ZNF708: variants seen among roughly 807,000 people sequenced by gnomAD.
The protein encoded by ZNF708 is zinc finger protein 708, also known as ZNF15, ZNF15L1.
In ZNF708, 44 loss-of-function variants were observed where a neutral mutation model predicts 47.0. The ratio of observed to expected loss-of-function variants is 0.94; its 90% CI spans 0.74 to 1.20. The LOEUF (loss-of-function observed/expected upper bound fraction) is 1.20. Among genes scored for constraint, ZNF708 ranks in the 50% most tolerant of loss-of-function variants. The pLI is 0.00. For synonymous variants in ZNF708, 184 were observed against 218.5 expected (o/e 0.84, Z 1.39); for missense variants, 557 against 656.0 (o/e 0.85, Z 1.65).
chr19:21,298,560 T>C lies in ZNF708; in HGVS notation c.227-3821A>G, dbSNP rs535691532. Among the ~76,000 whole-genome samples, 4 of 152,120 alleles carry C rather than the reference T, an allele frequency of 2.6e-5. No individual in the cohort carries two copies. The South Asian group carries it at 8.3e-4, about 31-fold the overall frequency. ...TAGAAACAGCAACCCCAAAAGTATATGGAATCTCAAGAGACTATACTCAAC... is the reference window on the plus strand; with the variant it reads ...TAGAAACAGCAACCCCAAAAGTATACGGAATCTCAAGAGACTATACTCAAC... On this transcript the variant is annotated intron_variant, in intron 3 of 3. Coordinates refer to ENST00000356929, the MANE Select transcript of ZNF708 (RefSeq NM_021269.3).
chr19:21,316,446 C>T (rs1477352339), intron 1 of ZNF708, among the ~76,000 whole-genome samples: 1 of 151,996 alleles, frequency 6.6e-6, no homozygotes, highest in Non-Finnish European at 1.5e-5. Context: ...TTTTTCCAAG[C>T]CTCAAGATCT....
chr19:21,318,536 T>C (rs1973061716), intron 1 of ZNF708: 1 of 152,230 alleles, frequency 6.6e-6, no homozygotes, highest in African/African-American at 2.4e-5. Context: ...AAGGAATTTC[T>C]CTTAAAATAC....
At position 21,293,396 on chromosome 19, in the gene ZNF708, T is replaced by G; in HGVS notation, c.1570A>C (p.Ile524Leu). 1 of 1,611,624 alleles carries G rather than the reference T, an allele frequency of 6.2e-7. No individual in the cohort carries two copies. Among genetic ancestry groups the G allele is most frequent in the Non-Finnish European group, 8.5e-7 (1 of 1,178,970 alleles). Residue 524 changes from isoleucine (I) to leucine (L), a missense_variant, in exon 4 of 4, where the codon ATA (isoleucine) becomes CTA (leucine). Coordinates refer to ENST00000356929, the MANE Select transcript of ZNF708 (RefSeq NM_021269.3). Reference sequence around the variant, plus strand: ...TAGGGTTTCTCTCCAGTATGAATTATCTTATGTTTCATAAGGGTTGAGGAC... The same window carrying G: ...TAGGGTTTCTCTCCAGTATGAATTAGCTTATGTTTCATAAGGGTTGAGGAC... ...NQSSTLMKHK[I>L]IHTGEKPYKC...
At chr19:21,313,414 A>C (rs1972940632) in intron 1 of ZNF708, among the ~76,000 whole-genome samples, 1 of 152,010 alleles carries the variant, frequency 6.6e-6, no homozygotes, top group South Asian at 2.1e-4. Flanking sequence ...TTAGATAAAG[A>C]GCCCAGCATT....
chr19:21,306,666 C>T (rs1027236914), intron 3 of ZNF708, among the ~76,000 whole-genome samples: 3 of 151,998 alleles, frequency 2.0e-5, no homozygotes, highest in Admixed American at 2.0e-4. Context: ...AAATATTGGC[C>T]GGGCATGGAG....
chr19:21,309,377 C>T (rs771418466), intron 2 of ZNF708, 36 bp from the exon 3 acceptor site: 53 of 1,514,322 alleles, frequency 3.5e-5, no homozygotes, highest in Non-Finnish European at 4.4e-5. Flanking sequence ...GAATCTTGCT[C>T]ATATTCTCCA....
At chr19:21,312,853 T>C (rs974672042) in intron 1 of ZNF708, among the ~76,000 whole-genome samples, 1 of 152,266 alleles carries the variant, frequency 6.6e-6, no homozygotes, top group Non-Finnish European at 1.5e-5. Flanking sequence ...AGACAACCCA[T>C]CTTCATCCTA....
At chr19:21,304,692 T>C (rs527971742) in intron 3 of ZNF708, among the ~76,000 whole-genome samples, 1 of 152,164 alleles carries the variant, frequency 6.6e-6, no homozygotes, top group South Asian at 2.1e-4. Flanking sequence ...TTACACAACA[T>C]AGTGAGACCC....
In ZNF708 at chr19:21,294,331, G is replaced by A. The variant is rs148687204; in HGVS notation, c.635C>T (p.Thr212Met). The change falls in exon 4 of 4, where the codon ACG (threonine) becomes ATG (methionine). Residue 212 changes from threonine (T) to methionine (M), a missense_variant. Thr to Met is a moderately conservative substitution (Grantham distance 81). Transcript: ENST00000356929. ...GKAFKKSSNL[T>M]NHKIIHTGEK... ...TCCAGTATGAATTATCTTATGATTCGTAAGGTTTGAGGACTTTTTAAAAGC... is the reference window on the plus strand; with the variant it reads ...TCCAGTATGAATTATCTTATGATTCATAAGGTTTGAGGACTTTTTAAAAGC... 1.5e-3 allele frequency: 2,407 copies of A among 1,613,236 alleles called. 8 individuals are homozygous for A. Among genetic ancestry groups the A allele is most frequent in the South Asian group, 2.1e-3 (191 of 91,046 alleles).
chr19:21,303,068 C>T (rs1972691020), intron 3 of ZNF708, among the ~76,000 whole-genome samples: 1 of 151,926 alleles, frequency 6.6e-6, no homozygotes, highest in African/African-American at 2.4e-5. Context: ...AGCAACATCT[C>T]AAAACCCTGT....
At chr19:21,312,165 C>T (rs1343811135) in intron 1 of ZNF708, among the ~76,000 whole-genome samples, 2 of 151,914 alleles carry the variant, frequency 1.3e-5, no homozygotes, top group African/African-American at 4.8e-5. Context: ...CGTGGTGGAA[C>T]GCGCCTGTAG....
chr19:21,306,478 A>C (rs2145163559), intron 3 of ZNF708, among the ~76,000 whole-genome samples: 1 of 152,316 alleles, frequency 6.6e-6, no homozygotes, highest in African/African-American at 2.4e-5. Context: ...AAAGAAAAGC[A>C]AAATTAATAA....
rs1465635653 is a variant in ZNF708, at chr19:21,292,938, A to AT, written c.*335dup. 1 of 202,798 alleles carries AT rather than the reference A, an allele frequency of 4.9e-6. No homozygotes were observed. The highest frequency in any genetic ancestry group is 1.0e-5 in the Non-Finnish European group (1 of 98,876). 12.6% of individuals were successfully genotyped at this position (202,798 alleles called of 1,614,324 possible). A position where few individuals can be genotyped will look rare whatever the true frequency, so the allele number is the denominator to read the frequency against. ...GACAATCATTTAAAGATTTTGTCAC[A>AT]TTTTTCGCATTTTTAAAGTTCCTCA... On this transcript the variant is annotated 3_prime_UTR_variant, in exon 4 of 4. Coordinates refer to ENST00000356929, the MANE Select transcript of ZNF708 (RefSeq NM_021269.3).
chr19:21,302,558 G>T (rs1270624234), intron 3 of ZNF708, among the ~76,000 whole-genome samples: 1 of 151,956 alleles, frequency 6.6e-6, no homozygotes, highest in Admixed American at 6.6e-5. Flanking sequence ...AATTAGCTGG[G>T]TGTGGTGGCA....
intron 3 of ZNF708, among the ~76,000 whole-genome samples, chr19:21,307,138 TA>T (rs1373799205): frequency 7.7e-6 from 1 of 130,312 alleles, no homozygotes; most frequent in Non-Finnish European, 1.7e-5. Flanking sequence ...AAAAATAAAA[TA>T]AAATAAAATA....
At chr19:21,324,564 T>A (rs947282945) in intron 1 of ZNF708, among the ~76,000 whole-genome samples, 1 of 151,906 alleles carries the variant, frequency 6.6e-6, no homozygotes, top group Admixed American at 6.6e-5. Flanking sequence ...AGAAATTCCA[T>A]TTCAAAAAAT....
At chr19:21,321,724 AAAG>A (rs1333300742) in intron 1 of ZNF708, among the ~76,000 whole-genome samples, 1 of 128,460 alleles carries the variant, frequency 7.8e-6, no homozygotes, top group African/African-American at 2.8e-5. Flanking sequence ...AGGAAGGAAG[AAAG>A]AAAGGGAAAA....
At chr19:21,307,739 G>A (rs748146435) in intron 3 of ZNF708, among the ~76,000 whole-genome samples, 3 of 152,108 alleles carry the variant, frequency 2.0e-5, no homozygotes, top group Non-Finnish European at 4.4e-5. Flanking sequence ...GTGCCCACTT[G>A]TCAATGCTTC....
intron 3 of ZNF708, among the ~76,000 whole-genome samples, chr19:21,294,952 T>C (rs1277961789): frequency 1.3e-5 from 2 of 152,196 alleles, no homozygotes; most frequent in East Asian, 3.9e-4. Context: ...GTGCCCCAGG[T>C]GATGACAATG....
Sources: gnomAD v4.1 joint callset for allele counts (sites outside exome capture counted in the v4.1 genomes callset) on GRCh38, gnomAD v4.1.1 for gene constraint, MANE v1.5 for transcripts, NCBI Gene and HGNC (gene_info 2026-07-23, HGNC 2026-07-21) for gene names.